PARD3B: variants seen among roughly 807,000 people sequenced by gnomAD.
The protein encoded by PARD3B is par-3 family cell polarity regulator beta, also known as partitioning defective 3 homolog B.
A neutral mutation model predicts 130.2 loss-of-function variants in PARD3B; 103 were observed. The ratio of observed to expected loss-of-function variants is 0.79; its 90% CI spans 0.67 to 0.93. The LOEUF is 0.93. Among genes scored for constraint, PARD3B ranks in the 40% least tolerant of loss-of-function variants. The probability of loss-of-function intolerance (pLI) is 0.00; values close to 1 mark genes in which losing one functional copy is unlikely to be tolerated. For synonymous variants in PARD3B, 583 were observed against 553.2 expected (o/e 1.05, Z -0.76); for missense variants, 1,609 against 1,499.2 (o/e 1.07, Z -1.21).
At chr2:205,569,515 T>A (rs1385280868) in intron 22 of PARD3B, among the ~76,000 whole-genome samples, 2 of 152,224 alleles carry the variant, frequency 1.3e-5, no homozygotes, top group Non-Finnish European at 2.9e-5. Flanking sequence ...TAAGTAGTAA[T>A]GTGATTTTGT....
In PARD3B at chr2:205,613,082, C is replaced by A. The variant is rs1173354050; in HGVS notation, c.3261-2374C>A. 1.8e-4 allele frequency among the ~76,000 whole-genome samples: 28 copies of A among 152,204 alleles called. 1 individual carries two copies. The highest frequency in any genetic ancestry group is 1.8e-3 in the Admixed American group (28 of 15,284). On this transcript the variant is annotated intron_variant, in intron 22 of 22. Coordinates refer to ENST00000406610, the MANE Select transcript of PARD3B (RefSeq NM_001302769.2). ...ATGCTCTGTTTTAAGAGAGAGAAAT[C>A]TCCAGGGAGAGAACAGGACCCTAAA...
chr2:205,278,180 G>A (rs2041026187), intron 16 of PARD3B, among the ~76,000 whole-genome samples: 1 of 152,136 alleles, frequency 6.6e-6, no homozygotes, highest in African/African-American at 2.4e-5. Flanking sequence ...GAGCTTTAGG[G>A]AAGCCTTGGA....
intron 2 of PARD3B, among the ~76,000 whole-genome samples, chr2:204,734,755 T>G (rs1338276451): frequency 1.3e-5 from 2 of 152,080 alleles, no homozygotes. Context: ...GTGAGGAAAT[T>G]AACTGCAAAG....
In PARD3B at chr2:204,887,019, A is replaced by T. The variant is rs1362594624; in HGVS notation, c.223-78133A>T. Among the ~76,000 whole-genome samples, 1 of 152,210 alleles carries T rather than the reference A, an allele frequency of 6.6e-6. No individual in the cohort carries two copies. The highest frequency in any genetic ancestry group is 1.5e-5 in the Non-Finnish European group (1 of 68,018). The stretch of plus-strand genomic sequence containing the variant: ...TATGTATCATTATACTGAGTGTTTT[A>T]TGCAGAAAACCCTTTGAGGCATTTT... On this transcript the variant is annotated intron_variant, in intron 2 of 22. Transcript: ENST00000406610. The surrounding 1 kb of genome is among the most constrained non-coding windows in gnomAD (Gnocchi z 4.2).
chr2:205,268,177 G>A lies in PARD3B; in HGVS notation c.2185+22355G>A, dbSNP rs942170052. 1.3e-5 allele frequency among the ~76,000 whole-genome samples: 2 copies of A among 152,200 alleles called. No individual in the cohort carries two copies. Among genetic ancestry groups the A allele is most frequent in the African/African-American group, 4.8e-5 (2 of 41,464 alleles). ...AAGAACTCATTAATACCAAGCCCAA[G>A]AAGGAACTGCTGATCATCAGGGATC... is the stretch of plus-strand genomic sequence containing the variant. On this transcript the variant is annotated intron_variant, in intron 16 of 22. Transcript: ENST00000406610. This position sits in a 1 kb window ranked among gnomAD's most constrained non-coding sequence, Gnocchi z 4.1.
chr2:205,371,238 T>TA (rs1574834039), intron 18 of PARD3B, among the ~76,000 whole-genome samples: 1 of 152,176 alleles, frequency 6.6e-6, no homozygotes, highest in African/African-American at 2.4e-5. Context: ...ATTTAAAAAA[T>TA]ACCAGTGAAG....
At chr2:205,058,968 CTGTGCTTTT>C (rs1699903429) in intron 4 of PARD3B, among the ~76,000 whole-genome samples, 1 of 146,426 alleles carries the variant, frequency 6.8e-6, no homozygotes, top group Admixed American at 6.8e-5. Flanking sequence ...TTTTTTTTAA[CTGTGCTTTT>C]TGTATCACAT....
chr2:205,118,860 T>C (rs2030263791), intron 6 of PARD3B, 61 bp from the exon 7 acceptor site: 2 of 1,190,632 alleles, frequency 1.7e-6, no homozygotes, highest in South Asian at 1.7e-5. Flanking sequence ...TAGTTGCAAG[T>C]GGAGAAATAA....
intron 5 of PARD3B, among the ~76,000 whole-genome samples, chr2:205,112,542 G>A (rs956997908): frequency 2.0e-5 from 3 of 152,020 alleles, no homozygotes; most frequent in African/African-American, 7.2e-5. Context: ...CATGTAAATA[G>A]GGAACAATGG....
At position 204,967,526 on chromosome 2, in the gene PARD3B, G is replaced by A. The variant is rs752974877; in HGVS notation, c.394+2203G>A. Among the ~76,000 whole-genome samples the A allele has an allele frequency of 3.3e-5, 5 of 152,010 alleles. No homozygotes were observed. Among genetic ancestry groups the A allele is most frequent in the Non-Finnish European group, 4.4e-5 (3 of 68,014 alleles). On this transcript the variant is annotated intron_variant, in intron 3 of 22. Coordinates refer to ENST00000406610, the MANE Select transcript of PARD3B (RefSeq NM_001302769.2). The surrounding 1 kb of genome is among the most constrained non-coding windows in gnomAD (Gnocchi z 4.4). ...CACCCTGAGAACCATATCTAAACTCGTTAGCAAGCTGATGCAGATGGTTCC... is the reference window on the plus strand; with the variant it reads ...CACCCTGAGAACCATATCTAAACTCATTAGCAAGCTGATGCAGATGGTTCC...
intron 10 of PARD3B, among the ~76,000 whole-genome samples, chr2:205,157,269 A>G (rs527376085): frequency 6.6e-6 from 1 of 152,312 alleles, no homozygotes; most frequent in Admixed American, 6.5e-5. Flanking sequence ...ATTTAGTACG[A>G]AACTCTGGCA....
chr2:205,182,946 G>A (rs2035875941), intron 13 of PARD3B, among the ~76,000 whole-genome samples: 1 of 152,126 alleles, frequency 6.6e-6, no homozygotes, highest in Non-Finnish European at 1.5e-5. Flanking sequence ...CATTCCATTT[G>A]CAAGAACTAG....
At chr2:204,937,246 A>T (rs1688530586) in intron 2 of PARD3B, among the ~76,000 whole-genome samples, 1 of 152,224 alleles carries the variant, frequency 6.6e-6, no homozygotes, top group South Asian at 2.1e-4. Context: ...CCTTTGGATG[A>T]CTTGCACATG....
chr2:204,649,916 G>T (rs2035420417), intron 1 of PARD3B, among the ~76,000 whole-genome samples: 1 of 152,156 alleles, frequency 6.6e-6, no homozygotes, highest in South Asian at 2.1e-4. Flanking sequence ...TGACAAGTGA[G>T]ATCTAATTAA....
At chr2:205,316,835 C>T in intron 18 of PARD3B, among the ~76,000 whole-genome samples, 1 of 152,084 alleles carries the variant, frequency 6.6e-6, no homozygotes. Context: ...TTATTCAATA[C>T]TATTGAGCAA....
chr2:204,866,998 T>C (rs973694940), intron 2 of PARD3B, among the ~76,000 whole-genome samples: 1 of 151,930 alleles, frequency 6.6e-6, no homozygotes, highest in South Asian at 2.1e-4. Flanking sequence ...GAAACCAGGA[T>C]GCAGAGGTTG....
intron 2 of PARD3B, among the ~76,000 whole-genome samples, chr2:204,715,351 A>G (rs2038667775): frequency 6.6e-6 from 1 of 152,160 alleles, no homozygotes; most frequent in African/African-American, 2.4e-5. Flanking sequence ...CTTGAAAACC[A>G]TTCATTTTTG....
At chr2:205,307,818 T>C (rs2042238840) in intron 18 of PARD3B, among the ~76,000 whole-genome samples, 3 of 152,324 alleles carry the variant, frequency 2.0e-5, no homozygotes, top group African/African-American at 2.4e-5. Flanking sequence ...TAATAGCTGC[T>C]GTTGTCTCTT....
At chr2:205,143,648 T>G (rs568059947) in intron 10 of PARD3B, among the ~76,000 whole-genome samples, 1 of 152,216 alleles carries the variant, frequency 6.6e-6, no homozygotes, top group African/African-American at 2.4e-5. Flanking sequence ...AAGAGTAATG[T>G]GAAATAAAAG....
Sources: allele counts gnomAD v4.1 joint callset (sites outside exome capture counted in the v4.1 genomes callset), GRCh38; gene constraint gnomAD v4.1.1; non-coding constraint Gnocchi (gnomAD v3.1); transcripts MANE v1.5; gene names NCBI Gene and HGNC (gene_info 2026-07-23, HGNC 2026-07-21).